Variants in MPHOSPH9 observed in about 807,000 individuals in gnomAD.
MPHOSPH9 encodes the protein M-phase phosphoprotein 9.
In MPHOSPH9, 88 loss-of-function variants were observed where a neutral mutation model predicts 145.5. That is an observed-to-expected ratio of 0.60 (90% CI 0.51 to 0.72). The LOEUF (loss-of-function observed/expected upper bound fraction) is 0.72. MPHOSPH9 is among the 30% of genes least tolerant of loss of function. MPHOSPH9 has a pLI of 0.00. For synonymous variants in MPHOSPH9, 435 were observed against 486.2 expected (o/e 0.89, Z 1.39); for missense variants, 1,238 against 1,386.6 (o/e 0.89, Z 1.70).
chr12:123,231,129 A>G (rs945518734), intron 1 of MPHOSPH9, among the ~76,000 whole-genome samples: 1 of 152,194 alleles, frequency 6.6e-6, no homozygotes, highest in African/African-American at 2.4e-5. Context: ...AATATTTCAG[A>G]TTTTTATATG....
At chr12:123,200,192 A>C (rs1471285649) in intron 11 of MPHOSPH9, among the ~76,000 whole-genome samples, 2 of 151,178 alleles carry the variant, frequency 1.3e-5, no homozygotes, top group African/African-American at 4.8e-5. Flanking sequence ...AGTTTGGAAA[A>C]AACCAGTGTA....
rs536006573 is a variant in MPHOSPH9 at position 123,205,746 on chromosome 12, C to T, written c.1195-2371G>A. Among the ~76,000 whole-genome samples, 401 of 152,262 alleles carry T rather than the reference C, an allele frequency of 2.6e-3. 1 individual carries two copies. Among genetic ancestry groups the T allele is most frequent in the African/African-American group, 9.1e-3 (380 of 41,566 alleles). ...ATGGGAATAGAAAAGTACCACTTTT[C>T]ACCACTTTTATGTTCTTGTCATGTT... is the stretch of plus-strand genomic sequence containing the variant. On this transcript the variant is annotated intron_variant, in intron 8 of 23. Transcript: ENST00000606320.
chr12:123,225,553 AGGGAG>A (rs2047409013), intron 3 of MPHOSPH9, among the ~76,000 whole-genome samples: 2 of 10,286 alleles, frequency 1.9e-4, no homozygotes, highest in South Asian at 5.7e-3. Flanking sequence ...AGGGGGTGGG[AGGGAG>A]GGGAGAGGAG....
At chr12:123,227,821 CACA>C (rs1298409332) in intron 2 of MPHOSPH9, among the ~76,000 whole-genome samples, 1 of 152,164 alleles carries the variant, frequency 6.6e-6, no homozygotes, top group Non-Finnish European at 1.5e-5. Flanking sequence ...TTTTTAAGAA[CACA>C]ACAAGAAGAC....
chr12:123,167,625 A>C (rs1565901965), intron 16 of MPHOSPH9, among the ~76,000 whole-genome samples: 1 of 152,182 alleles, frequency 6.6e-6, no homozygotes, highest in East Asian at 1.9e-4. Flanking sequence ...GGTTCACCAC[A>C]GCATGCGTAC....
intron 13 of MPHOSPH9, among the ~76,000 whole-genome samples, chr12:123,186,361 A>G (rs1273461847): frequency 4.6e-5 from 7 of 152,156 alleles, no homozygotes; most frequent in African/African-American, 1.2e-4. Flanking sequence ...GCAAAAGAAA[A>G]AAGTTTATAT....
At chr12:123,168,641 C>T (rs1312450224) in intron 16 of MPHOSPH9, among the ~76,000 whole-genome samples, 2 of 151,916 alleles carry the variant, frequency 1.3e-5, no homozygotes, top group African/African-American at 4.8e-5. Flanking sequence ...CGCACCCGGC[C>T]GGCAACATGA....
At chr12:123,183,193 A>G (rs565052343) in intron 13 of MPHOSPH9, among the ~76,000 whole-genome samples, 177 of 152,178 alleles carry the variant, frequency 1.2e-3, no homozygotes, top group African/African-American at 4.0e-3. Context: ...ATTAAAGAGA[A>G]AACAAACGAG....
chr12:123,232,500 G>A (rs984888463), intron 1 of MPHOSPH9, among the ~76,000 whole-genome samples: 1 of 152,170 alleles, frequency 6.6e-6, no homozygotes, highest in Non-Finnish European at 1.5e-5. Flanking sequence ...TGGGGAAAAG[G>A]AACGATTGAT....
intron 11 of MPHOSPH9, 94 bp downstream of exon 11, chr12:123,202,070 C>A: frequency 7.8e-7 from 1 of 1,287,248 alleles, no homozygotes. Context: ...ATTTCAGATC[C>A]AAAGTATTTT....
chr12:123,188,812 C>T (rs558944233), intron 13 of MPHOSPH9, among the ~76,000 whole-genome samples: 1 of 152,190 alleles, frequency 6.6e-6, no homozygotes, highest in African/African-American at 2.4e-5. Flanking sequence ...AGCGCCACTG[C>T]ACTCCTGCCT....
chr12:123,199,954 CA>C (rs2046146197), intron 11 of MPHOSPH9, among the ~76,000 whole-genome samples: 1 of 152,054 alleles, frequency 6.6e-6, no homozygotes, highest in Non-Finnish European at 1.5e-5. Flanking sequence ...AACCACTGTG[CA>C]TTAATGCGGC....
chr12:123,194,144 C>T (rs2045836194), intron 13 of MPHOSPH9, among the ~76,000 whole-genome samples: 1 of 152,074 alleles, frequency 6.6e-6, no homozygotes. Flanking sequence ...TGGTGGGCTC[C>T]TGTAATTCCA....
Position 123,202,871 on chromosome 12 carries a change from G to A in MPHOSPH9, c.1534C>T (p.His512Tyr), listed in dbSNP as rs1047937509. ...QLPGFPKYPS[H>Y]TKASPVDSWK... Reference sequence around the variant, plus strand: ...GAGTCCACCGGAGAAGCTTTTGTGTGTGAGGGATATTTTGGAAATCCAGGT... The same window carrying A: ...GAGTCCACCGGAGAAGCTTTTGTGTATGAGGGATATTTTGGAAATCCAGGT... The change falls in exon 10 of 24, where the codon CAC becomes TAC. Residue 512 changes from histidine to tyrosine, a missense_variant. His to Tyr is a moderately conservative substitution (Grantham distance 83). Transcript: ENST00000606320. 1 of 1,614,192 alleles carries A rather than the reference G, an allele frequency of 6.2e-7. No homozygotes were observed. The highest frequency in any genetic ancestry group is 2.2e-5 in the East Asian group (1 of 44,890).
intron 8 of MPHOSPH9, 129 bp downstream of exon 8, chr12:123,209,927 G>A (rs1396566394): frequency 2.7e-5 from 13 of 487,898 alleles, no homozygotes; most frequent in Middle Eastern, 5.4e-4. Flanking sequence ...TAGTAGAGAC[G>A]GGGTTTCACC....
chr12:123,218,284 A>G, intron 6 of MPHOSPH9, 92 bp downstream of exon 6: 1 of 1,514,486 alleles, frequency 6.6e-7, no homozygotes. Context: ...ACAATACAAA[A>G]GAAAGGGCAC....
chr12:123,162,045 A>T, intron 21 of MPHOSPH9, 70 bp downstream of exon 21: 1 of 984,404 alleles, frequency 1.0e-6, no homozygotes, highest in Non-Finnish European at 1.5e-6. Context: ...TATTTAGAAC[A>T]CTGAGAGATA....
chr12:123,201,946 C>T lies in MPHOSPH9; in HGVS notation c.1937+218G>A, dbSNP rs150187851. 4.6e-3 allele frequency among the ~76,000 whole-genome samples: 707 copies of T among 152,266 alleles called. 4 individuals carry two copies. The highest frequency in any genetic ancestry group is 0.015 in the South Asian group (72 of 4,830). On this transcript the variant is annotated intron_variant, in intron 11 of 23. Coordinates refer to ENST00000606320, the MANE Select transcript of MPHOSPH9 (RefSeq NM_022782.4). ...CATTACTCTGCATATACAAAATTCG[C>T]TCAACTGTTTCAGTATTTTGCCCAT...
intron 16 of MPHOSPH9, among the ~76,000 whole-genome samples, chr12:123,168,482 C>G: frequency 6.6e-6 from 1 of 151,914 alleles, no homozygotes; most frequent in Non-Finnish European, 1.5e-5. Flanking sequence ...GCTGGGACTA[C>G]AGGCGCCTGC....
Sources: allele counts gnomAD v4.1 joint callset (sites outside exome capture counted in the v4.1 genomes callset), GRCh38; gene constraint gnomAD v4.1.1; transcripts MANE v1.5; gene names NCBI Gene and HGNC (gene_info 2026-07-23, HGNC 2026-07-21).